SSU72: variants seen among roughly 807,000 people sequenced by gnomAD.
SSU72 encodes RNA polymerase II subunit A C-terminal domain phosphatase SSU72.
SSU72 carries 12 observed loss-of-function variants against 22.7 expected under a neutral mutation model. The ratio of observed to expected loss-of-function variants is 0.53; its 90% confidence interval spans 0.34 to 0.86. The LOEUF (loss-of-function observed/expected upper bound fraction) is 0.86. Among genes scored for constraint, SSU72 ranks in the 40% least tolerant of loss-of-function variants. The probability of loss-of-function intolerance (pLI) is 0.02; values close to 1 mark genes in which losing one functional copy is unlikely to be tolerated. For synonymous variants in SSU72, 116 were observed against 98.3 expected (o/e 1.18, Z -1.06); for missense variants, 151 against 249.8 (o/e 0.60, Z 2.67).
Position 1,541,849 on chromosome 1 carries a change from T to G in SSU72, c.*217A>C. On this transcript the variant is annotated 3_prime_UTR_variant, in exon 5 of 5. Coordinates refer to ENST00000291386, the MANE Select transcript of SSU72 (RefSeq NM_014188.3). ...CCTTTTTGGTTAAAGAAGAAAAACT[T>G]TGTAATCAATATCCTGCTCATAAGT... 1.8e-6 allele frequency: 1 copy of G among 541,556 alleles called. No individual in the cohort carries two copies. Among genetic ancestry groups the G allele is most frequent in the East Asian group, 3.2e-5 (1 of 30,904 alleles). The allele number at this position is 541,556 out of a possible 1,614,324, so 33.5% of individuals were successfully genotyped here.
At chr1:1,574,416 G>C (rs1642781504) in intron 1 of SSU72, 62 bp downstream of exon 1, 2 of 1,520,092 alleles carry the variant, frequency 1.3e-6, no homozygotes, top group African/African-American at 1.4e-5. Context: ...AGGGGGAACC[G>C]GGGAGGAGGG....
intron 1 of SSU72, among the ~76,000 whole-genome samples, chr1:1,572,335 G>A (rs1453930231): frequency 6.8e-6 from 1 of 146,062 alleles, no homozygotes; most frequent in Non-Finnish European, 1.5e-5. Context: ...GGCTGAGGCA[G>A]GAGAATAGTG....
intron 1 of SSU72, among the ~76,000 whole-genome samples, chr1:1,569,311 G>A (rs544695946): frequency 9.2e-5 from 14 of 152,276 alleles, no homozygotes; most frequent in South Asian, 4.1e-4. Flanking sequence ...GGAAACGTAC[G>A]GCGGAGTCTT....
At chr1:1,557,169 T>C (rs1642531852) in intron 2 of SSU72, among the ~76,000 whole-genome samples, 2 of 152,134 alleles carry the variant, frequency 1.3e-5, no homozygotes, top group Admixed American at 1.3e-4. Flanking sequence ...TCCCAGGACT[T>C]TGGGTGGCCG....
chr1:1,572,602 G>A (rs1044561244), intron 1 of SSU72, among the ~76,000 whole-genome samples: 3 of 148,094 alleles, frequency 2.0e-5, no homozygotes, highest in Non-Finnish European at 3.0e-5. Flanking sequence ...GACTGCAGGC[G>A]CCCGCCACCA....
At chr1:1,545,926 T>C (rs1642383987) in intron 2 of SSU72, 1 of 152,390 alleles carries the variant, frequency 6.6e-6, no homozygotes, top group Non-Finnish European at 1.5e-5. Context: ...CTGAAGGCAC[T>C]TGGCGTCCAG....
Position 1,568,752 on chromosome 1 carries a change from C to T in SSU72, c.81-3836G>A, listed in dbSNP as rs190165468. ...CTAGCCTGACCAACATGGAGAAACCCCGTCTCTACTAAAAATACAAAACTA... is the reference window on the plus strand; with the variant it reads ...CTAGCCTGACCAACATGGAGAAACCTCGTCTCTACTAAAAATACAAAACTA... On this transcript the variant is annotated intron_variant, in intron 1 of 4. Coordinates refer to ENST00000291386, the MANE Select transcript of SSU72 (RefSeq NM_014188.3). 9.2e-3 allele frequency among the ~76,000 whole-genome samples: 1,388 copies of T among 150,670 alleles called. 11 individuals carry two copies. The highest frequency in any genetic ancestry group is 0.014 in the Non-Finnish European group (924 of 67,732).
intron 2 of SSU72, among the ~76,000 whole-genome samples, chr1:1,550,585 C>CG (rs1642444402): frequency 6.6e-6 from 1 of 152,218 alleles, no homozygotes; most frequent in African/African-American, 2.4e-5. Flanking sequence ...GAGCCCCGGG[C>CG]CCCAGGCTGC....
At chr1:1,558,199 T>A (rs1642543713) in intron 2 of SSU72, among the ~76,000 whole-genome samples, 1 of 65,664 alleles carries the variant, frequency 1.5e-5, no homozygotes, top group Non-Finnish European at 2.4e-5. Context: ...AGACTCTGTC[T>A]CAATTAAAAA....
chr1:1,545,106 G>A (rs1642375090), intron 2 of SSU72, 104 bp from the exon 3 acceptor site: 2 of 1,418,604 alleles, frequency 1.4e-6, no homozygotes, highest in African/African-American at 1.4e-5. Context: ...CCACAGCAGA[G>A]GCAGCCGGGA....
intron 1 of SSU72, among the ~76,000 whole-genome samples, 200 bp downstream of exon 1, chr1:1,574,278 G>A (rs917208356): frequency 3.9e-5 from 6 of 152,024 alleles, no homozygotes; most frequent in African/African-American, 1.2e-4. Context: ...CCTCGTCCCG[G>A]AACCTGCCTT....
At position 1,570,765 on chromosome 1, in the gene SSU72, A is replaced by G. The variant is rs562293182; in HGVS notation, c.80+3713T>C. On this transcript the variant is annotated intron_variant, in intron 1 of 4. Transcript: ENST00000291386. ...TGCGTGAACACATGGAGACAGACGGACACCAAAATGGTACCTCTGAGAGAC... is the reference window on the plus strand; with the variant it reads ...TGCGTGAACACATGGAGACAGACGGGCACCAAAATGGTACCTCTGAGAGAC... Among the ~76,000 whole-genome samples the G allele has an allele frequency of 3.3e-5, 5 of 152,388 alleles. No homozygotes were observed. In the South Asian group the frequency reaches 1.0e-3, roughly 32 times the overall value.
At chr1:1,552,640 C>G (rs1269483563) in intron 2 of SSU72, among the ~76,000 whole-genome samples, 1 of 152,228 alleles carries the variant, frequency 6.6e-6, no homozygotes. Context: ...TTTCAGTCAG[C>G]CTGAGGAGTA....
intron 1 of SSU72, among the ~76,000 whole-genome samples, chr1:1,572,581 C>A (rs1267396677): frequency 6.7e-6 from 1 of 149,066 alleles, no homozygotes; most frequent in Non-Finnish European, 1.5e-5. Flanking sequence ...CTCAGCCTCC[C>A]GAGTAACTGG....
intron 1 of SSU72, among the ~76,000 whole-genome samples, chr1:1,569,107 G>C (rs973338808): frequency 3.3e-5 from 5 of 152,078 alleles, no homozygotes; most frequent in African/African-American, 7.3e-5. Flanking sequence ...TCGGGAGGCA[G>C]AGGCTGCAGT....
At position 1,574,306 on chromosome 1, in the gene SSU72, G is replaced by C. The variant is rs1286881320; in HGVS notation, c.80+172C>G. On this transcript the variant is annotated intron_variant, in intron 1 of 4. Coordinates refer to ENST00000291386, the MANE Select transcript of SSU72 (RefSeq NM_014188.3). ...CCTGCCTTCCCTGTGATGCCCACCCGCGTGTGGACTACGCGCGCTGCCGTC... is the reference window on the plus strand; with the variant it reads ...CCTGCCTTCCCTGTGATGCCCACCCCCGTGTGGACTACGCGCGCTGCCGTC... 2.0e-5 allele frequency among the ~76,000 whole-genome samples: 3 copies of C among 152,110 alleles called. No individual in the cohort carries two copies. The East Asian group carries it at 5.8e-4, about 29-fold the overall frequency.
chr1:1,560,536 C>T (rs1642576253), intron 2 of SSU72, among the ~76,000 whole-genome samples: 3 of 152,232 alleles, frequency 2.0e-5, no homozygotes, highest in African/African-American at 7.2e-5. Context: ...TCCCTCAACC[C>T]CTCAGGCTCA....
chr1:1,544,127 C>T (rs1233264539), intron 3 of SSU72, 140 bp from the exon 4 acceptor site: 1 of 637,420 alleles, frequency 1.6e-6, no homozygotes, highest in African/African-American at 1.8e-5. Context: ...TTGGGGAGCA[C>T]AATGAATGAG....
Position 1,543,709 on chromosome 1 carries a change from C to T in SSU72, c.483+160G>A, listed in dbSNP as rs1570378555. 9 of 564,246 alleles carry T rather than the reference C, an allele frequency of 1.6e-5. 1 individual carries two copies. The South Asian group carries it at 1.7e-4, about 10-fold the overall frequency. 35.0% of individuals were successfully genotyped at this position (564,246 alleles called of 1,614,324 possible). On this transcript the variant is annotated intron_variant, in intron 4 of 4. Coordinates refer to ENST00000291386, the MANE Select transcript of SSU72 (RefSeq NM_014188.3). ...CGGCCTCGGCCACTCCCCACTGTCA[C>T]GGCCTCGGCCACTCCCCTGTCACGG... is the stretch of plus-strand genomic sequence containing the variant.
Sources: gnomAD v4.1 joint callset for allele counts (sites outside exome capture counted in the v4.1 genomes callset) on GRCh38, gnomAD v4.1.1 for gene constraint, MANE v1.5 for transcripts, NCBI Gene and HGNC (gene_info 2026-07-23, HGNC 2026-07-21) for gene names.